The following NLRP11 variants were observed in gnomAD, a reference collection of about 807,000 sequenced individuals.
NLRP11 encodes NACHT, LRR and PYD domains-containing protein 11.
Under a neutral mutation model 79.3 loss-of-function variants are expected in NLRP11, and 53 were observed. That is an observed-to-expected ratio of 0.67 (90% CI 0.54 to 0.84). The LOEUF is 0.84. Among genes scored for constraint, NLRP11 ranks in the 40% least tolerant of loss-of-function variants. The pLI is 0.00. For synonymous variants in NLRP11, 518 were observed against 462.6 expected, an observed-to-expected ratio of 1.12 and a Z score of -1.54; for missense variants, 1,264 against 1,255.0, an observed-to-expected ratio of 1.01 and a Z score of -0.11.
chr19:55,789,421 TAG>T, intron 7 of NLRP11, 22 bp from the exon 8 acceptor site: 2 of 1,600,538 alleles, frequency 1.2e-6, no homozygotes, highest in Non-Finnish European at 1.7e-6. Flanking sequence ...AAACATGAGC[TAG>T]AGTCATGACC....
At chr19:55,792,322 G>A (rs375853766) in exon 7 of NLRP11, 11 of 1,613,992 alleles carry the variant, frequency 6.8e-6, no homozygotes, top group Admixed American at 1.7e-5. Context: ...TAACTGACAG[G>A]TTGGAAACAG....
chr19:55,810,879 C>G (rs1182658877), intron 2 of NLRP11, among the ~76,000 whole-genome samples: 2 of 152,172 alleles, frequency 1.3e-5, no homozygotes, highest in Non-Finnish European at 2.9e-5. Context: ...TAGCTTTGTT[C>G]TTTATCCTTC....
intron 5 of NLRP11, chr19:55,798,287 C>G: frequency 1.0e-6 from 1 of 981,356 alleles, no homozygotes; most frequent in East Asian, 1.1e-4. Flanking sequence ...CGTGAGCCGT[C>G]GCGTTGGCCT....
chr19:55,805,841 A>C (rs564965686), intron 4 of NLRP11, among the ~76,000 whole-genome samples: 1 of 152,046 alleles, frequency 6.6e-6, no homozygotes, highest in African/African-American at 2.4e-5. Flanking sequence ...CACCCGCCCT[A>C]AAAGTCTTCA....
At chr19:55,820,790 T>C (rs1474749992) in intron 1 of NLRP11, among the ~76,000 whole-genome samples, 4 of 152,214 alleles carry the variant, frequency 2.6e-5, no homozygotes, top group Admixed American at 2.6e-4. Flanking sequence ...ATTTATAATA[T>C]ACTATTGAGA....
At chr19:55,808,623 G>A in intron 3 of NLRP11, 146 bp downstream of exon 3, 1 of 748,442 alleles carries the variant, frequency 1.3e-6, no homozygotes, top group Non-Finnish European at 2.2e-6. Flanking sequence ...GAAGCAGAGA[G>A]ATTTAAGTCA....
At chr19:55,819,599 C>T (rs912690754) in intron 1 of NLRP11, among the ~76,000 whole-genome samples, 5 of 152,160 alleles carry the variant, frequency 3.3e-5, no homozygotes, top group African/African-American at 1.2e-4. Flanking sequence ...GATTGGCTAA[C>T]ATCTCCATGG....
chr19:55,798,069 G>A (rs1043378280), intron 5 of NLRP11, among the ~76,000 whole-genome samples: 10 of 149,206 alleles, frequency 6.7e-5, no homozygotes, highest in East Asian at 2.0e-4. Flanking sequence ...GTGTGATCTC[G>A]GCTCACCGCA....
At position 55,809,187 on chromosome 19, in the gene NLRP11, T is replaced by G. The variant is rs751570988; in HGVS notation, c.1423A>C (p.Ser475Arg). The change falls in exon 3 of 10, where the codon AGC becomes CGC. Residue 475 changes from serine (S) to arginine (R), a missense_variant. Coordinates refer to ENST00000589093, the Ensembl canonical transcript of NLRP11. This position sits in a 1 kb window ranked among gnomAD's most constrained non-coding sequence, Gnocchi z 4.5. ...TCTCTCTTCTCTTTATACTCTCTGC[T>G]GCCTGAGGGGATCAGATAGTTGGGT... is the stretch of plus-strand genomic sequence containing the variant. 1.2e-6 allele frequency: 2 copies of G among 1,613,600 alleles called. No homozygotes were observed. Among genetic ancestry groups the G allele is most frequent in the African/African-American group, 2.7e-5 (2 of 74,928 alleles).
intron 9 of NLRP11, 39 bp downstream of exon 9, chr19:55,788,768 A>G (rs1417724180): frequency 3.8e-5 from 38 of 999,530 alleles, no homozygotes; most frequent in South Asian, 3.8e-4. Context: ...AAAAAAAAAA[A>G]AGAATTTTCC....
rs1385442204 is a variant in NLRP11 at position 55,793,555 on chromosome 19, C to CA, written c.2343-1085_2343-1084insT. Among the ~76,000 whole-genome samples, 7 of 30,664 alleles carry CA rather than the reference C, an allele frequency of 2.3e-4. 1 individual carries two copies. Among genetic ancestry groups the CA allele is most frequent in the Admixed American group, 6.0e-4 (1 of 1,674 alleles). The allele number at this position is 30,664 out of a possible 152,430, so 20.1% of individuals were successfully genotyped here. A position where few individuals can be genotyped will look rare whatever the true frequency, so the allele number is the denominator to read the frequency against. On this transcript the variant is annotated intron_variant, in intron 6 of 9. Transcript: ENST00000589093. ...TGCACTCCAGCCTGGGTGACTGTCT[C>CA]CAAAAAAAAAAAAAAAAAAAAAAAA...
At chr19:55,792,935 G>C (rs1460791638) in intron 6 of NLRP11, among the ~76,000 whole-genome samples, 1 of 152,166 alleles carries the variant, frequency 6.6e-6, no homozygotes, top group Non-Finnish European at 1.5e-5. Flanking sequence ...AGCCCATTTT[G>C]TGGTATCCCG....
intron 1 of NLRP11, among the ~76,000 whole-genome samples, chr19:55,823,322 A>G (rs1981999725): frequency 1.5e-5 from 2 of 135,486 alleles, no homozygotes; most frequent in Non-Finnish European, 3.1e-5. Flanking sequence ...AAAAAACAGA[A>G]CAGAAAAACT....
At chr19:55,796,744 T>C (rs979421618) in intron 5 of NLRP11, among the ~76,000 whole-genome samples, 13 of 151,708 alleles carry the variant, frequency 8.6e-5, no homozygotes, top group African/African-American at 2.9e-4. Flanking sequence ...TGGAGTGCAA[T>C]GGTGCGATCT....
At chr19:55,819,203 A>G (rs1251693377) in intron 1 of NLRP11, among the ~76,000 whole-genome samples, 2 of 144,618 alleles carry the variant, frequency 1.4e-5, no homozygotes, top group Non-Finnish European at 3.0e-5. Context: ...TGCCTCTTCA[A>G]TTCTACCCCA....
Position 55,808,696 on chromosome 19 carries a change from T to C in NLRP11, c.1841+73A>G, listed in dbSNP as rs199476235. On this transcript the variant is annotated intron_variant, in intron 3 of 9. Coordinates refer to ENST00000589093, the Ensembl canonical transcript of NLRP11. ...TCATGGCCCCGAGTTTGTCTTGTTC[T>C]GGTCAACAAGCTCTAGAATTATGGG... The C allele has an allele frequency of 8.3e-4, 1,164 of 1,400,114 alleles. No homozygotes were observed. Among genetic ancestry groups the C allele is most frequent in the Non-Finnish European group, 1.1e-3 (1,114 of 1,028,856 alleles). 86.7% of individuals were successfully genotyped at this position (1,400,114 alleles called of 1,614,324 possible).
chr19:55,806,676 T>C (rs992222718), intron 4 of NLRP11, among the ~76,000 whole-genome samples: 2 of 152,182 alleles, frequency 1.3e-5, no homozygotes, highest in Non-Finnish European at 2.9e-5. Flanking sequence ...AGCTAAATTA[T>C]GGCATCTCTG....
intron 2 of NLRP11, among the ~76,000 whole-genome samples, chr19:55,811,206 C>T (rs1367283597): frequency 2.0e-5 from 3 of 152,066 alleles, no homozygotes; most frequent in Admixed American, 1.3e-4. Context: ...TAAAATTTAT[C>T]GTAAAGGGAG....
chr19:55,805,701 G>A (rs775497378), intron 4 of NLRP11, among the ~76,000 whole-genome samples: 30 of 151,882 alleles, frequency 2.0e-4, no homozygotes, highest in Admixed American at 5.9e-4. Flanking sequence ...CGCCACACCC[G>A]GCTAATTTTT....
Sources: allele counts gnomAD v4.1 joint callset (sites outside exome capture counted in the v4.1 genomes callset), GRCh38; gene constraint gnomAD v4.1.1; non-coding constraint Gnocchi (gnomAD v3.1); transcripts MANE v1.5; gene names NCBI Gene and HGNC (gene_info 2026-07-23, HGNC 2026-07-21).